KIAA1549L: variants seen among roughly 807,000 people sequenced by gnomAD.
KIAA1549L encodes the protein KIAA1549 like, also known as UPF0606 protein KIAA1549L.
Under a neutral mutation model 160.7 loss-of-function variants are expected in KIAA1549L, and 88 were observed. The ratio of observed to expected loss-of-function variants is 0.55; its 90% CI spans 0.46 to 0.65. The LOEUF (loss-of-function observed/expected upper bound fraction) is 0.65, where lower values mean the gene tolerates loss of function less well. Ranked by LOEUF, KIAA1549L falls within the 30% of genes least tolerant of loss-of-function variation. The probability of loss-of-function intolerance (pLI) is 0.00; values close to 1 mark genes in which losing one functional copy is unlikely to be tolerated. For synonymous variants in KIAA1549L, 950 were observed against 976.7 expected, an observed-to-expected ratio of 0.97 and a Z score of 0.51; for missense variants, 2,258 against 2,437.5, an observed-to-expected ratio of 0.93 and a Z score of 1.55.
At chr11:33,468,856 A>T (rs1191421065) in intron 1 of KIAA1549L, among the ~76,000 whole-genome samples, 1 of 151,924 alleles carries the variant, frequency 6.6e-6, no homozygotes, top group African/African-American at 2.4e-5. Flanking sequence ...TGAGCTTATT[A>T]TTTTTTTTAT....
At chr11:33,568,301 A>G (rs2133233845) in intron 9 of KIAA1549L, 74 bp downstream of exon 9, 3 of 1,425,918 alleles carry the variant, frequency 2.1e-6, no homozygotes, top group Non-Finnish European at 1.9e-6. Flanking sequence ...CTGAGACTAA[A>G]TAAGTCAGTG....
chr11:33,422,099 T>G (rs1287617541), intron 1 of KIAA1549L, among the ~76,000 whole-genome samples: 3 of 152,042 alleles, frequency 2.0e-5, no homozygotes, highest in African/African-American at 7.2e-5. Context: ...AAGCTTGGCC[T>G]CCTCTCCTGC....
At chr11:33,637,479 C>G (rs941883518) in intron 16 of KIAA1549L, among the ~76,000 whole-genome samples, 1 of 152,252 alleles carries the variant, frequency 6.6e-6, no homozygotes, top group Non-Finnish European at 1.5e-5. Context: ...ACCCTGCCTT[C>G]CTCTCCAGCC....
rs1206356477 is a variant in KIAA1549L, at chr11:33,638,418, T to TAAA, written c.5410-7267_5410-7265dup. Among the ~76,000 whole-genome samples, 4 of 11,648 alleles carry TAAA rather than the reference T, an allele frequency of 3.4e-4. No individual in the cohort carries two copies. In the South Asian group the frequency reaches 6.6e-3, roughly 19 times the overall value. The allele number at this position is 11,648 out of a possible 152,430, so 7.6% of individuals were successfully genotyped here. On this transcript the variant is annotated intron_variant, in intron 16 of 20. Coordinates refer to ENST00000658780, the MANE Select transcript of KIAA1549L (RefSeq NM_012194.3). The stretch of plus-strand genomic sequence containing the variant: ...ATCTATGTTATTTTATTCTCTAAAA[T>TAAA]AAATAAAAAAAAAAAAAATAAATAA...
intron 17 of KIAA1549L, 62 bp from the exon 18 acceptor site, chr11:33,655,950 C>G (rs1852049121): frequency 8.7e-7 from 1 of 1,151,650 alleles, no homozygotes; most frequent in Admixed American, 1.8e-5. Context: ...ACAAGAGGAA[C>G]CTGTGTGCTG....
chr11:33,408,485 A>ATGTGTG (rs1554974404), intron 1 of KIAA1549L, among the ~76,000 whole-genome samples: 38 of 143,144 alleles, frequency 2.7e-4, no homozygotes, highest in East Asian at 8.1e-4. Flanking sequence ...TACTCTGTAT[A>ATGTGTG]TGTGTATATA....
intron 1 of KIAA1549L, among the ~76,000 whole-genome samples, chr11:33,427,247 A>T (rs1026078256): frequency 6.9e-6 from 1 of 145,980 alleles, no homozygotes. Context: ...CCAAGAAAAA[A>T]CAGGTAGAAG....
At chr11:33,486,323 A>T (rs929959089) in intron 1 of KIAA1549L, among the ~76,000 whole-genome samples, 6 of 152,208 alleles carry the variant, frequency 3.9e-5, no homozygotes, top group African/African-American at 1.2e-4. Flanking sequence ...CTACCATATG[A>T]TCCAGCAATT....
chr11:33,448,318 A>G (rs1851656696), intron 1 of KIAA1549L, among the ~76,000 whole-genome samples: 1 of 152,150 alleles, frequency 6.6e-6, no homozygotes, highest in African/African-American at 2.4e-5. Flanking sequence ...AATACTCAGA[A>G]ACATGAATAC....
chr11:33,395,522 TATGAA>T (rs1333938201), intron 1 of KIAA1549L, among the ~76,000 whole-genome samples: 2 of 152,230 alleles, frequency 1.3e-5, no homozygotes, highest in Non-Finnish European at 2.9e-5. Flanking sequence ...CTTTCTATAA[TATGAA>T]AAGAAGGCTA....
chr11:33,383,438 G>C (rs1471486539), intron 1 of KIAA1549L, among the ~76,000 whole-genome samples: 1 of 152,144 alleles, frequency 6.6e-6, no homozygotes, highest in Non-Finnish European at 1.5e-5. Context: ...AGCCATGGAT[G>C]GTGACTCTCT....
intron 15 of KIAA1549L, among the ~76,000 whole-genome samples, chr11:33,612,982 A>AT (rs567076101): frequency 6.6e-6 from 1 of 151,886 alleles, no homozygotes; most frequent in African/African-American, 2.4e-5. Flanking sequence ...TATGTATCAC[A>AT]TTTTTTTTCA....
chr11:33,614,412 C>G (rs1224032981), intron 15 of KIAA1549L, among the ~76,000 whole-genome samples: 1 of 149,950 alleles, frequency 6.7e-6, no homozygotes, highest in Admixed American at 6.7e-5. Flanking sequence ...GGGCCAGGTA[C>G]CAGACAACTC....
chr11:33,668,444 C>A lies in KIAA1549L; in HGVS notation c.*290C>A. ...CATGTGCCCTATGGAAGCTTAGTCA[C>A]AAGAGGCACTAGCTAATCTACAGAT... is the stretch of plus-strand genomic sequence containing the variant. On this transcript the variant is annotated 3_prime_UTR_variant, in exon 21 of 21. Transcript: ENST00000658780. 4.4e-6 allele frequency: 2 copies of A among 457,472 alleles called. No homozygotes were observed. Among genetic ancestry groups the A allele is most frequent in the Non-Finnish European group, 7.9e-6 (2 of 253,022 alleles). The allele number at this position is 457,472 out of a possible 1,614,324, so 28.3% of individuals were successfully genotyped here. A position where few individuals can be genotyped will look rare whatever the true frequency, so the allele number is the denominator to read the frequency against.
chr11:33,388,950 C>T (rs576995313), intron 1 of KIAA1549L, among the ~76,000 whole-genome samples: 234 of 152,304 alleles, frequency 1.5e-3, no homozygotes, highest in African/African-American at 5.5e-3. Context: ...AGGCCAAGGT[C>T]GCTGCTGCAC....
rs1852054869 is a variant in KIAA1549L, at chr11:33,656,087, G to T, written c.5836G>T (p.Val1946Leu). Residue 1946 changes from valine (V) to leucine (L), a missense_variant, in exon 18 of 21, where the codon GTG (valine) becomes TTG (leucine). Transcript: ENST00000658780. The stretch of plus-strand genomic sequence containing the variant: ...ACCCGTACCTCCCCGGACTGGTCCT[G>T]TGGCTGTCGCTTCTCTCAGGCGGTA... ...PPPVPPRTGP[V>L]AVASLRRSTS... The T allele has an allele frequency of 1.2e-6, 2 of 1,613,636 alleles. No individual in the cohort carries two copies.
intron 16 of KIAA1549L, among the ~76,000 whole-genome samples, chr11:33,622,088 T>C (rs1225680255): frequency 6.6e-6 from 1 of 152,174 alleles, no homozygotes; most frequent in Admixed American, 6.5e-5. Flanking sequence ...GAAGGATGGT[T>C]GATTCATTGG....
chr11:33,559,654 A>G (rs1854770601), intron 6 of KIAA1549L, 95 bp from the exon 7 acceptor site: 8 of 983,402 alleles, frequency 8.1e-6, no homozygotes. Flanking sequence ...CCTTCCCTCA[A>G]CTCCTGCTTA....
chr11:33,544,277 T>C lies in KIAA1549L; in HGVS notation c.2714T>C (p.Val905Ala). The C allele has an allele frequency of 6.2e-7, 1 of 1,614,016 alleles. No homozygotes were observed. The highest frequency in any genetic ancestry group is 8.5e-7 in the Non-Finnish European group (1 of 1,179,892). The change falls in exon 2 of 21, where the codon GTC (valine) becomes GCC (alanine). Residue 905 changes from valine to alanine, a missense_variant. By Grantham distance (64) the Val-to-Ala change is moderately conservative. This residue lies in a region of KIAA1549L where 287 missense variants were observed against 292.3 expected (regional missense o/e 0.98). Coordinates refer to ENST00000658780, the MANE Select transcript of KIAA1549L (RefSeq NM_012194.3). The part of the protein sequence containing the change: ...SAAESSISTS[V>A]FPRTSSRVLR... ...GCTGAATCTTCTATATCGACCAGTG[T>C]CTTTCCCAGGACCTCCTCCAGAGTG...
Sources: gnomAD v4.1 joint callset for allele counts (sites outside exome capture counted in the v4.1 genomes callset) on GRCh38, gnomAD v4.1.1 for gene constraint, gnomAD v4.1.1 regional missense constraint, MANE v1.5 for transcripts, NCBI Gene and HGNC (gene_info 2026-07-23, HGNC 2026-07-21) for gene names.